Variants in PDK3 observed in about 807,000 individuals in gnomAD.
PDK3 encodes pyruvate dehydrogenase kinase 3, also known as pyruvate dehydrogenase kinase, isozyme 3.
PDK3 carries 12 observed loss-of-function variants against 32.0 expected under a neutral mutation model. That is an observed-to-expected ratio of 0.37 (90% CI 0.24 to 0.61). The LOEUF is 0.61. Among genes scored for constraint, PDK3 ranks in the 20% least tolerant of loss-of-function variants. The pLI, the probability that PDK3 is intolerant of heterozygous loss-of-function variation, is 0.65. For synonymous variants in PDK3, 122 were observed against 116.3 expected (o/e 1.05, Z -0.31); for missense variants, 188 against 316.9 (o/e 0.59, Z 3.09).
chrX:24,470,454 A>C (rs943242025), intron 1 of PDK3, among the ~76,000 whole-genome samples: 4 of 111,238 alleles, frequency 3.6e-5, no homozygotes, highest in Non-Finnish European at 7.5e-5. Flanking sequence ...TGGGAGGCCA[A>C]GGCAGGTGGA....
exon 12 of PDK3, chrX:24,547,798 T>G (rs1923026921): frequency 8.9e-6 from 1 of 112,931 alleles, no homozygotes; most frequent in South Asian, 3.6e-4. Context: ...ATATTTTTAT[T>G]TCTATACAAA....
chrX:24,465,305 T>TGCTGCTGCGGCTGCTGCG lies in PDK3; in HGVS notation c.-140_-139insTGCTGCGGCTGCTGCGGC, dbSNP rs764167975. On this transcript the variant is annotated 5_prime_UTR_variant, in exon 1 of 11. Coordinates refer to ENST00000379162, the MANE Select transcript of PDK3 (RefSeq NM_005391.5). ...CCCGCCGCTGTCCTGGAGCTGCTGCTGCTGCTGCGGCGGCTGCACCGGCGG... is the reference window on the plus strand; with the variant it reads ...CCCGCCGCTGTCCTGGAGCTGCTGCTGCTGCTGCGGCTGCTGCGGCTGCTGCGGCGGCTGCACCGGCGG... 1 of 353,226 alleles carries TGCTGCTGCGGCTGCTGCG rather than the reference T, an allele frequency of 2.8e-6. No individual in the cohort carries two copies. Among genetic ancestry groups the TGCTGCTGCGGCTGCTGCG allele is most frequent in the Non-Finnish European group, 4.8e-6 (1 of 209,654 alleles). The allele number at this position is 353,226 out of a possible 1,213,427, so 29.1% of individuals were successfully genotyped here. A position where few individuals can be genotyped will look rare whatever the true frequency, so the allele number is the denominator to read the frequency against.
exon 12 of PDK3, among the ~76,000 whole-genome samples, chrX:24,542,709 G>A (rs759459150): frequency 1.8e-5 from 2 of 112,439 alleles, no homozygotes; most frequent in African/African-American, 3.2e-5. Context: ...ATAGCTGTAG[G>A]TAATTACTAG....
chrX:24,510,462 A>C (rs1160344212), intron 5 of PDK3, among the ~76,000 whole-genome samples: 4 of 112,640 alleles, frequency 3.6e-5, no homozygotes, highest in Non-Finnish European at 5.6e-5. Context: ...GGGAAAAGAG[A>C]GAAGAGAATA....
chrX:24,543,865 C>G (rs751454702), exon 12 of PDK3, among the ~76,000 whole-genome samples: 176 of 112,243 alleles, frequency 1.6e-3, no homozygotes, highest in African/African-American at 5.3e-3. Context: ...TGAGCTCATT[C>G]TTTTTCTAGA....
chrX:24,526,855 G>A (rs186944996), intron 7 of PDK3, among the ~76,000 whole-genome samples: 2 of 111,847 alleles, frequency 1.8e-5, no homozygotes, highest in Non-Finnish European at 3.8e-5. Flanking sequence ...TTAATCAGTA[G>A]CTAATGACAT....
chrX:24,505,271 A>G lies in PDK3; in HGVS notation c.568A>G (p.Thr190Ala), dbSNP rs1921953146. The change falls in exon 5 of 11, where the codon ACC (threonine) becomes GCC (alanine). Residue 190 changes from threonine to alanine, a missense_variant. Coordinates refer to ENST00000379162, the MANE Select transcript of PDK3 (RefSeq NM_005391.5). Reference protein sequence around the residue: ...HPKHIGSIDPTCNVADVVKDA... With the variant: ...HPKHIGSIDPACNVADVVKDA... ...TAAACACATAGGAAGTATCGATCCCACCTGTAACGTGGCGGATGTGGTGAA... is the reference window on the plus strand; with the variant it reads ...TAAACACATAGGAAGTATCGATCCCGCCTGTAACGTGGCGGATGTGGTGAA... 1 of 1,201,967 alleles carries G rather than the reference A, an allele frequency of 8.3e-7. No individual in the cohort carries two copies. Among genetic ancestry groups the G allele is most frequent in the East Asian group, 3.0e-5 (1 of 33,665 alleles).
chrX:24,523,993 A>C (rs1922461827), intron 6 of PDK3, among the ~76,000 whole-genome samples: 1 of 112,419 alleles, frequency 8.9e-6, no homozygotes, highest in South Asian at 3.6e-4. Context: ...CATTAAACTT[A>C]TCAGCTCTAC....
chrX:24,491,331 A>G (rs979748955), intron 1 of PDK3, among the ~76,000 whole-genome samples: 1 of 110,139 alleles, frequency 9.1e-6, no homozygotes, highest in African/African-American at 3.3e-5. Context: ...CTTGTTAAAG[A>G]TGGTAGGGAA....
chrX:24,495,875 G>A (rs1312978486), intron 2 of PDK3, among the ~76,000 whole-genome samples: 6 of 111,966 alleles, frequency 5.4e-5, no homozygotes, highest in Admixed American at 9.4e-5. Context: ...ATAAACTCAG[G>A]TGTGGTCAAA....
rs1053312978 is a variant in PDK3 at position 24,548,048 on chromosome X, C to A, written c.*8884C>A. The A allele has an allele frequency of 1.8e-5, 2 of 112,033 alleles. No individual in the cohort carries two copies. Among genetic ancestry groups the A allele is most frequent in the Non-Finnish European group, 3.8e-5 (2 of 53,156 alleles). 9.2% of individuals were successfully genotyped at this position (112,033 alleles called of 1,213,427 possible). Reference sequence around the variant, plus strand: ...CAGAGAATTACATTTTCACTACCCCCGCCTGTCTCAGGGAATAGCCTTTGA... The same window carrying A: ...CAGAGAATTACATTTTCACTACCCCAGCCTGTCTCAGGGAATAGCCTTTGA... On this transcript the variant is annotated 3_prime_UTR_variant, in exon 12 of 12. Transcript: ENST00000568479.
intron 2 of PDK3, among the ~76,000 whole-genome samples, chrX:24,496,248 G>A (rs1047048183): frequency 9.2e-6 from 1 of 109,051 alleles, no homozygotes; most frequent in Non-Finnish European, 1.9e-5. Context: ...ATTTGGCAAC[G>A]TTCTACCATT....
chrX:24,495,420 A>G (rs1405422331), intron 2 of PDK3, among the ~76,000 whole-genome samples: 1 of 112,807 alleles, frequency 8.9e-6, no homozygotes, highest in African/African-American at 3.2e-5. Flanking sequence ...TGAATTTGTG[A>G]CACAAAGTCC....
At chrX:24,488,814 A>G (rs1921473992) in intron 1 of PDK3, among the ~76,000 whole-genome samples, 1 of 112,543 alleles carries the variant, frequency 8.9e-6, no homozygotes, top group Non-Finnish European at 1.9e-5. Flanking sequence ...GCATCCACTA[A>G]GTCAGAGTTT....
At chrX:24,499,463 C>T (rs935386498) in intron 3 of PDK3, among the ~76,000 whole-genome samples, 5 of 111,167 alleles carry the variant, frequency 4.5e-5, no homozygotes, top group Non-Finnish European at 9.4e-5. Flanking sequence ...GTATGTTTTC[C>T]CCTCCAAGAG....
At chrX:24,513,108 A>G (rs1922165737) in intron 5 of PDK3, among the ~76,000 whole-genome samples, 2 of 111,838 alleles carry the variant, frequency 1.8e-5, no homozygotes, top group Non-Finnish European at 3.8e-5. Context: ...AACTCAGCTT[A>G]TCTTTTTTTT....
At chrX:24,508,259 G>A (rs562709145) in intron 5 of PDK3, among the ~76,000 whole-genome samples, 1 of 110,587 alleles carries the variant, frequency 9.0e-6, no homozygotes, top group East Asian at 2.9e-4. Context: ...GATCTCGTGG[G>A]AACTCACTAT....
At chrX:24,484,898 C>A (rs770439665) in intron 1 of PDK3, among the ~76,000 whole-genome samples, 1 of 110,576 alleles carries the variant, frequency 9.0e-6, no homozygotes, top group Admixed American at 9.6e-5. Flanking sequence ...TTTTGCTGAA[C>A]CATTTGAGAA....
At chrX:24,535,969 A>AGAAGGAAAGGAAGAAAGGAAG (rs1922768411), downstream of PDK3, among the ~76,000 whole-genome samples, 6 of 97,887 alleles carry the variant, frequency 6.1e-5, no homozygotes, top group African/African-American at 2.2e-4. Context: ...AGGAAGGAAA[A>AGAAGGAAAGGAAGAAAGGAAG]GAAGGAAAGG....
Sources: gnomAD v4.1 joint callset for allele counts (sites outside exome capture counted in the v4.1 genomes callset) on GRCh38, gnomAD v4.1.1 for gene constraint, MANE v1.5 for transcripts, NCBI Gene and HGNC (gene_info 2026-07-23, HGNC 2026-07-21) for gene names.